The following ASTN2 variants were observed in gnomAD, a reference collection of about 807,000 sequenced individuals.
The protein encoded by ASTN2 is astrotactin 2.
A neutral mutation model predicts 139.8 loss-of-function variants in ASTN2; 54 were observed. The ratio of observed to expected loss-of-function variants is 0.39; its 90% CI spans 0.31 to 0.48. ASTN2 has a LOEUF of 0.48. Among genes scored for constraint, ASTN2 ranks in the 20% least tolerant of loss-of-function variants. The pLI is 0.95. For missense variants in ASTN2, 1,565 were observed against 1,725.1 expected (o/e 0.91, Z 1.64); for synonymous variants, 756 against 719.5 (o/e 1.05, Z -0.81).
chr9:117,281,950 C>T (rs983937718), intron 2 of ASTN2, among the ~76,000 whole-genome samples: 4 of 152,170 alleles, frequency 2.6e-5, no homozygotes, highest in African/African-American at 4.8e-5. Context: ...CCTCGCTACC[C>T]GACTCCCAGC....
chr9:117,195,193 T>C (rs116208975), intron 3 of ASTN2, among the ~76,000 whole-genome samples: 2,080 of 152,256 alleles, frequency 0.014, 47 homozygotes, highest in African/African-American at 0.047. Context: ...GGAACTCACA[T>C]AGAGAAAAGA....
intron 16 of ASTN2, among the ~76,000 whole-genome samples, chr9:116,681,404 G>A (rs1257972663): frequency 6.6e-6 from 1 of 152,160 alleles, no homozygotes; most frequent in African/African-American, 2.4e-5. Context: ...AACATTCCAT[G>A]CTCATTGGTA....
chr9:116,816,776 T>G (rs907550665), intron 12 of ASTN2, among the ~76,000 whole-genome samples: 4 of 151,998 alleles, frequency 2.6e-5, no homozygotes, highest in Non-Finnish European at 2.9e-5. Flanking sequence ...TTGGAGAACG[T>G]AAACTGATGA....
intron 2 of ASTN2, among the ~76,000 whole-genome samples, chr9:117,241,673 C>T (rs541589284): frequency 6.6e-5 from 10 of 152,228 alleles, no homozygotes; most frequent in Admixed American, 1.3e-4. Flanking sequence ...CTCATTCGCC[C>T]ACCAGTGGCT....
intron 10 of ASTN2, among the ~76,000 whole-genome samples, chr9:116,956,509 TTG>T (rs1835712609): frequency 6.7e-6 from 1 of 149,080 alleles, no homozygotes; most frequent in African/African-American, 2.4e-5. Flanking sequence ...TACAGAACAG[TTG>T]TAAAATTAAA....
intron 5 of ASTN2, among the ~76,000 whole-genome samples, chr9:117,043,667 G>A (rs981193586): frequency 2.6e-5 from 4 of 152,140 alleles, no homozygotes. Flanking sequence ...CCAGCACTTT[G>A]GGAGACAAGG....
chr9:116,971,628 T>C (rs956082136), intron 10 of ASTN2, among the ~76,000 whole-genome samples: 1 of 152,200 alleles, frequency 6.6e-6, no homozygotes, highest in Admixed American at 6.5e-5. Flanking sequence ...ATATGAATCC[T>C]CAACACTGAG....
chr9:116,921,293 A>T (rs1834596800), intron 10 of ASTN2, among the ~76,000 whole-genome samples: 1 of 152,206 alleles, frequency 6.6e-6, no homozygotes, highest in Non-Finnish European at 1.5e-5. Context: ...TCACACTGCT[A>T]TAAAGAACTA....
chr9:116,617,728 A>C (rs1202386201), intron 19 of ASTN2, among the ~76,000 whole-genome samples: 1 of 152,250 alleles, frequency 6.6e-6, no homozygotes, highest in Non-Finnish European at 1.5e-5. Context: ...GTCTCAACAG[A>C]GAACAGAAAA....
At chr9:116,954,008 A>G (rs1043230945) in intron 10 of ASTN2, among the ~76,000 whole-genome samples, 1 of 152,160 alleles carries the variant, frequency 6.6e-6, no homozygotes, top group African/African-American at 2.4e-5. Context: ...CGGGTTACAC[A>G]GGGCTTGGTT....
intron 11 of ASTN2, among the ~76,000 whole-genome samples, chr9:116,860,204 G>GA (rs879546054): frequency 5.3e-5 from 8 of 151,732 alleles, no homozygotes; most frequent in African/African-American, 1.5e-4. Context: ...GTGGGAGGCA[G>GA]AAAAAAAACT....
At chr9:117,365,243 AAGAG>A (rs369169176) in intron 1 of ASTN2, among the ~76,000 whole-genome samples, 20 of 151,778 alleles carry the variant, frequency 1.3e-4, no homozygotes, top group African/African-American at 3.6e-4. Context: ...GCAAGAAAGA[AAGAG>A]AGAGAGAAAC....
chr9:117,270,664 A>G (rs952124736), intron 2 of ASTN2, among the ~76,000 whole-genome samples: 1 of 152,220 alleles, frequency 6.6e-6, no homozygotes, highest in African/African-American at 2.4e-5. Flanking sequence ...AAACTTTTCT[A>G]AACTTCAATC....
rs558527841 is a variant in ASTN2, at chr9:117,280,547, C to A, written c.630+10779G>T. ...GTATGGAGGCGGACGTAGAAATTAGCGTTCAATAGCCCAAACCAAGGAAAA... is the reference window on the plus strand; with the variant it reads ...GTATGGAGGCGGACGTAGAAATTAGAGTTCAATAGCCCAAACCAAGGAAAA... On this transcript the variant is annotated intron_variant, in intron 2 of 22. Coordinates refer to ENST00000313400, the MANE Select transcript of ASTN2 (RefSeq NM_001365068.1). Among the ~76,000 whole-genome samples the A allele has an allele frequency of 3.3e-5, 5 of 152,216 alleles. No homozygotes were observed. In the South Asian group the frequency reaches 1.0e-3, roughly 32 times the overall value.
At chr9:116,721,440 G>A (rs1828470864) in intron 16 of ASTN2, among the ~76,000 whole-genome samples, 1 of 152,172 alleles carries the variant, frequency 6.6e-6, no homozygotes, top group Non-Finnish European at 1.5e-5. Flanking sequence ...GTGAAATGGA[G>A]CCCCAGTGGG....
intron 1 of ASTN2, among the ~76,000 whole-genome samples, chr9:117,370,337 C>T (rs1043875674): frequency 1.3e-5 from 2 of 152,108 alleles, no homozygotes; most frequent in African/African-American, 2.4e-5. Flanking sequence ...AATCAATCAC[C>T]CTGTTTCTCC....
rs572506510 is a variant in ASTN2 at position 116,756,996 on chromosome 9, C to T, written c.2397-23473G>A. 1.3e-4 allele frequency among the ~76,000 whole-genome samples: 20 copies of T among 152,292 alleles called. 1 individual carries two copies. The South Asian group carries it at 3.7e-3, about 28-fold the overall frequency. ...GGGCCTGTCTCTCCAAATCCTCCAC[C>T]CTGAAATAGAGTGCTTCCGCCTACA... On this transcript the variant is annotated intron_variant, in intron 13 of 22. Coordinates refer to ENST00000313400, the MANE Select transcript of ASTN2 (RefSeq NM_001365068.1).
intron 6 of ASTN2, among the ~76,000 whole-genome samples, chr9:117,014,728 G>A (rs552729922): frequency 2.0e-5 from 3 of 152,020 alleles, no homozygotes; most frequent in African/African-American, 7.2e-5. Flanking sequence ...GGTCATTAGG[G>A]CGGGTCCTAT....
intron 19 of ASTN2, among the ~76,000 whole-genome samples, chr9:116,505,210 A>G (rs1477684877): frequency 2.0e-5 from 3 of 151,566 alleles, no homozygotes; most frequent in Non-Finnish European, 2.9e-5. Context: ...TGCTTTTAGT[A>G]TCTGATAGTC....
Sources: allele counts gnomAD v4.1 joint callset (sites outside exome capture counted in the v4.1 genomes callset), GRCh38; gene constraint gnomAD v4.1.1; transcripts MANE v1.5; gene names NCBI Gene and HGNC (gene_info 2026-07-23, HGNC 2026-07-21).